Variants in TMEM272 observed in about 807,000 individuals in gnomAD.
TMEM272 encodes the protein transmembrane protein 272, also known as long intergenic non-protein coding RNA 282.
TMEM272 carries 8 observed loss-of-function variants against 3.7 expected under a neutral mutation model. The ratio of observed to expected loss-of-function variants is 2.17; its 90% CI spans 1.27 to 3.91. TMEM272 has a LOEUF of 3.91. TMEM272 is among the 30% of genes most tolerant of loss of function. TMEM272 has a pLI of 0.00. For synonymous variants in TMEM272, 63 were observed against 39.8 expected (o/e 1.58, Z -2.20); for missense variants, 166 against 91.5 (o/e 1.81, Z -3.32).
At chr13:51,841,248 G>A (rs1438462215) in intron 1 of TMEM272, among the ~76,000 whole-genome samples, 1 of 152,200 alleles carries the variant, frequency 6.6e-6, no homozygotes, top group African/African-American at 2.4e-5. Flanking sequence ...GGGAGAGTGT[G>A]TACTTCACAT....
chr13:51,858,920 GC>G, the TMEM272 span, among the ~76,000 whole-genome samples: 1 of 152,130 alleles, frequency 6.6e-6, no homozygotes, highest in Non-Finnish European at 1.5e-5. Context: ...TCTCCCGGGA[GC>G]CCTTTTTACT....
At chr13:51,894,574 G>C in the TMEM272 span, among the ~76,000 whole-genome samples, 1 of 152,156 alleles carries the variant, frequency 6.6e-6, no homozygotes, top group African/African-American at 2.4e-5. Flanking sequence ...CAGCTGCAGG[G>C]TGAGAAGCAG....
chr13:51,925,595 A>C, the TMEM272 span, among the ~76,000 whole-genome samples: 1 of 152,174 alleles, frequency 6.6e-6, no homozygotes, highest in Non-Finnish European at 1.5e-5. Context: ...CAGTTCCAGT[A>C]GTTACAGAGA....
chr13:51,856,727 A>T, the TMEM272 span, among the ~76,000 whole-genome samples: 1 of 152,260 alleles, frequency 6.6e-6, no homozygotes, highest in Non-Finnish European at 1.5e-5. Flanking sequence ...GCTGCCAAAG[A>T]CCAAAGGCAA....
At chr13:51,871,251 C>T in the TMEM272 span, among the ~76,000 whole-genome samples, 1,960 of 148,336 alleles carry the variant, frequency 0.013, 45 homozygotes, top group African/African-American at 0.046. Flanking sequence ...AGTGCAGTGG[C>T]GCAATCTCGG....
chr13:51,861,597 A>G, the TMEM272 span, among the ~76,000 whole-genome samples: 1 of 152,222 alleles, frequency 6.6e-6, no homozygotes, highest in Non-Finnish European at 1.5e-5. Context: ...ACGTAACTTT[A>G]GAGACCTGGG....
chr13:51,836,838 A>T (rs1011048762), intron 2 of TMEM272, among the ~76,000 whole-genome samples: 1 of 152,198 alleles, frequency 6.6e-6, no homozygotes, highest in Non-Finnish European at 1.5e-5. Context: ...TTCCTAGGAA[A>T]CCTAAAATGT....
At chr13:51,847,496 T>C (rs1956312911), upstream of TMEM272, among the ~76,000 whole-genome samples, 1 of 152,226 alleles carries the variant, frequency 6.6e-6, no homozygotes. Context: ...TGGGGACCAC[T>C]GGGTGTGTAG....
chr13:51,882,687 C>T, the TMEM272 span, among the ~76,000 whole-genome samples: 1 of 150,496 alleles, frequency 6.6e-6, no homozygotes, highest in Admixed American at 6.6e-5. Flanking sequence ...TCTATCTAGT[C>T]TGTAAAAGTG....
chr13:51,825,325 T>C (rs898219598), intron 3 of TMEM272, among the ~76,000 whole-genome samples: 1 of 152,212 alleles, frequency 6.6e-6, no homozygotes, highest in African/African-American at 2.4e-5. Context: ...TTTGTTTCCA[T>C]TTTTAGTATT....
chr13:51,899,566 A>C, the TMEM272 span, among the ~76,000 whole-genome samples: 1 of 152,076 alleles, frequency 6.6e-6, no homozygotes. Flanking sequence ...TTAAGACGGC[A>C]ATATTTCCCA....
At position 51,816,210 on chromosome 13, in the gene TMEM272, T is replaced by A. The variant is rs1566329493; in HGVS notation, c.*541A>T. ...TATCTGATATAGGGCTGGAAGAGACTGCTCCTTCACTTTCCCAAAAGGCAG... is the reference window on the plus strand; with the variant it reads ...TATCTGATATAGGGCTGGAAGAGACAGCTCCTTCACTTTCCCAAAAGGCAG... On this transcript the variant is annotated 3_prime_UTR_variant, in exon 5 of 5. Coordinates refer to ENST00000629372, the MANE Select transcript of TMEM272 (RefSeq NM_001351003.2). 6.4e-6 allele frequency: 1 copy of A among 155,568 alleles called. No homozygotes were observed. Among genetic ancestry groups the A allele is most frequent in the East Asian group, 1.9e-4 (1 of 5,250 alleles). The allele number at this position is 155,568 out of a possible 1,614,324, so 9.6% of individuals were successfully genotyped here.
At chr13:51,926,962 G>T in the TMEM272 span, among the ~76,000 whole-genome samples, 1 of 152,022 alleles carries the variant, frequency 6.6e-6, no homozygotes. Context: ...CTAGAGATTG[G>T]TGGAGCTTTA....
At chr13:51,851,642 A>G in the TMEM272 span, among the ~76,000 whole-genome samples, 3 of 148,514 alleles carry the variant, frequency 2.0e-5, no homozygotes, top group African/African-American at 7.6e-5. Context: ...CTCCTGCCTC[A>G]GCCTCCTGAG....
At chr13:51,925,960 T>C in the TMEM272 span, among the ~76,000 whole-genome samples, 1 of 152,100 alleles carries the variant, frequency 6.6e-6, no homozygotes, top group Non-Finnish European at 1.5e-5. Flanking sequence ...TAAATGTGCA[T>C]GAGGTATGTG....
chr13:51,851,624 A>G, the TMEM272 span, among the ~76,000 whole-genome samples: 1 of 148,860 alleles, frequency 6.7e-6, no homozygotes, highest in Non-Finnish European at 1.5e-5. Flanking sequence ...TCCTGGGTTC[A>G]AGCAATTCTC....
At chr13:51,917,581 G>A in the TMEM272 span, among the ~76,000 whole-genome samples, 1 of 152,180 alleles carries the variant, frequency 6.6e-6, no homozygotes, top group Non-Finnish European at 1.5e-5. Flanking sequence ...ACTGAGGACA[G>A]GTGCTACCAG....
chr13:51,854,766 AGT>A, the TMEM272 span, among the ~76,000 whole-genome samples: 1 of 152,220 alleles, frequency 6.6e-6, no homozygotes, highest in Non-Finnish European at 1.5e-5. Flanking sequence ...TACTTAGGAC[AGT>A]GACCGAGGGC....
intron 4 of TMEM272, among the ~76,000 whole-genome samples, chr13:51,818,662 C>G (rs1321665067): frequency 4.6e-5 from 7 of 152,198 alleles, no homozygotes; most frequent in Admixed American, 3.9e-4. Context: ...AAAATGTCAA[C>G]AGCAATTTTC....
Sources: gnomAD v4.1 joint callset for allele counts (sites outside exome capture counted in the v4.1 genomes callset) on GRCh38, gnomAD v4.1.1 for gene constraint, MANE v1.5 for transcripts, NCBI Gene and HGNC (gene_info 2026-07-23, HGNC 2026-07-21) for gene names.